The following PID1 variants were observed in gnomAD, a reference collection of about 807,000 sequenced individuals.
PID1 encodes the protein PTB-containing, cubilin and LRP1-interacting protein.
A neutral mutation model predicts 19.1 loss-of-function variants in PID1; 10 were observed. The observed-to-expected ratio is 0.52, with a 90% CI of 0.32 to 0.89. The LOEUF is 0.89. PID1 is among the 40% of genes least tolerant of loss of function. The pLI is 0.03. For synonymous variants in PID1, 130 were observed against 116.0 expected, an observed-to-expected ratio of 1.12 and a Z score of -0.78; for missense variants, 248 against 285.3, an observed-to-expected ratio of 0.87 and a Z score of 0.94.
intron 1 of PID1, among the ~76,000 whole-genome samples, chr2:229,217,361 C>A (rs957868863): frequency 3.3e-5 from 5 of 152,136 alleles, no homozygotes; most frequent in Non-Finnish European, 7.3e-5. Context: ...AATGATAGTG[C>A]CTTTCTGGAG....
At chr2:229,268,476 T>A (rs186580380) in intron 1 of PID1, among the ~76,000 whole-genome samples, 1 of 152,284 alleles carries the variant, frequency 6.6e-6, no homozygotes, top group Non-Finnish European at 1.5e-5. Flanking sequence ...TTTTCTTCCA[T>A]CCCCTCTTTT....
At chr2:229,048,669 G>A (rs138983749) in intron 2 of PID1, among the ~76,000 whole-genome samples, 307 of 152,102 alleles carry the variant, frequency 2.0e-3, no homozygotes, top group African/African-American at 6.2e-3. Context: ...AGACAGCAGC[G>A]GCTAGTAATG....
At position 229,238,302 on chromosome 2, in the gene PID1, A is replaced by G. The variant is rs368862524; in HGVS notation, c.30+32712T>C. On this transcript the variant is annotated intron_variant, in intron 1 of 2. Coordinates refer to ENST00000392055, the MANE Select transcript of PID1 (RefSeq NM_001100818.2). ...TTCATTCGAGCATGAATTGCTCTCA[A>G]AATCATCCAACTTTATACTATATTC... is the stretch of plus-strand genomic sequence containing the variant. Among the ~76,000 whole-genome samples, 11 of 152,108 alleles carry G rather than the reference A, an allele frequency of 7.2e-5. No individual in the cohort carries two copies. The East Asian group carries it at 9.6e-4, about 13-fold the overall frequency.
intron 2 of PID1, among the ~76,000 whole-genome samples, chr2:229,036,319 G>A (rs886347706): frequency 2.0e-5 from 3 of 152,178 alleles, no homozygotes; most frequent in Non-Finnish European, 4.4e-5. Context: ...ACAGGCTTCT[G>A]TGTGTCATCC....
intron 2 of PID1, among the ~76,000 whole-genome samples, chr2:229,136,651 A>T (rs900901979): frequency 3.3e-5 from 5 of 152,218 alleles, no homozygotes; most frequent in Non-Finnish European, 7.3e-5. Flanking sequence ...ATTAAAAATC[A>T]ATTAAGGAAC....
chr2:229,068,365 G>C (rs1694374899), intron 2 of PID1, among the ~76,000 whole-genome samples: 1 of 152,110 alleles, frequency 6.6e-6, no homozygotes, highest in Non-Finnish European at 1.5e-5. Context: ...TTATTTGTCA[G>C]GGTGTCACTT....
intron 2 of PID1, among the ~76,000 whole-genome samples, chr2:229,028,240 A>G (rs1693467930): frequency 6.6e-6 from 1 of 152,240 alleles, no homozygotes. Flanking sequence ...AGATAACCTA[A>G]GTTTGAACTG....
At chr2:229,122,433 A>T (rs1408670321) in intron 2 of PID1, among the ~76,000 whole-genome samples, 1 of 152,158 alleles carries the variant, frequency 6.6e-6, no homozygotes, top group Non-Finnish European at 1.5e-5. Flanking sequence ...TGCCCCTGGA[A>T]TCCCAAACAG....
At chr2:229,035,114 C>A (rs1301196215) in intron 2 of PID1, among the ~76,000 whole-genome samples, 3 of 152,204 alleles carry the variant, frequency 2.0e-5, no homozygotes, top group Admixed American at 6.5e-5. Context: ...ATGGTGCCCA[C>A]TCTTAGGTCA....
intron 1 of PID1, among the ~76,000 whole-genome samples, chr2:229,223,285 CATT>C (rs369701279): frequency 2.6e-5 from 4 of 152,176 alleles, no homozygotes; most frequent in Non-Finnish European, 5.9e-5. Flanking sequence ...GCTATCTCAT[CATT>C]ATTTTAATCT....
chr2:229,108,651 G>A (rs1298470687), intron 2 of PID1, among the ~76,000 whole-genome samples: 2 of 152,184 alleles, frequency 1.3e-5, no homozygotes, highest in African/African-American at 4.8e-5. Context: ...ACAAGTAAAG[G>A]CACAGAGGTG....
chr2:229,131,819 C>T (rs2106168644), intron 2 of PID1, among the ~76,000 whole-genome samples: 1 of 152,074 alleles, frequency 6.6e-6, no homozygotes, highest in East Asian at 1.9e-4. Flanking sequence ...CAACAAGACT[C>T]CGTCTCGGTG....
rs370989543 is a variant in PID1 at position 229,220,502 on chromosome 2, C to T, written c.30+50512G>A. Among the ~76,000 whole-genome samples the T allele has an allele frequency of 4.1e-4, 62 of 152,276 alleles. No homozygotes were observed. The South Asian group carries it at 0.012, about 31-fold the overall frequency. On this transcript the variant is annotated intron_variant, in intron 1 of 2. Coordinates refer to ENST00000392055, the MANE Select transcript of PID1 (RefSeq NM_001100818.2). ...CCATGCTCTCCAGTGAACCAATAGG[C>T]AATGTGATTGGGAGCCTGTGCCAGG... is the stretch of plus-strand genomic sequence containing the variant.
intron 2 of PID1, among the ~76,000 whole-genome samples, chr2:229,127,366 C>T (rs1044538467): frequency 6.6e-5 from 10 of 152,150 alleles, no homozygotes; most frequent in Admixed American, 4.6e-4. Flanking sequence ...TTGTAAGAGA[C>T]CTGTGAATCA....
At chr2:229,266,939 A>G (rs1486240194) in intron 1 of PID1, among the ~76,000 whole-genome samples, 1 of 152,200 alleles carries the variant, frequency 6.6e-6, no homozygotes, top group African/African-American at 2.4e-5. Flanking sequence ...GGCCAGGGCT[A>G]ATGGTCTCCA....
At chr2:229,072,038 C>T (rs1264918148) in intron 2 of PID1, among the ~76,000 whole-genome samples, 2 of 152,096 alleles carry the variant, frequency 1.3e-5, no homozygotes, top group Admixed American at 1.3e-4. Flanking sequence ...GGATCATATA[C>T]AAATCTGTAA....
At chr2:229,027,590 C>T (rs1479324758) in intron 2 of PID1, among the ~76,000 whole-genome samples, 1 of 152,132 alleles carries the variant, frequency 6.6e-6, no homozygotes, top group Non-Finnish European at 1.5e-5. Context: ...GTGGAGGAGG[C>T]AGTGGCATAC....
chr2:229,139,103 GAAAGAAAGAA>G (rs1559251735), intron 2 of PID1, among the ~76,000 whole-genome samples: 23 of 66,698 alleles, frequency 3.4e-4, no homozygotes, highest in African/African-American at 1.7e-3. Context: ...AAGAAAGAAA[GAAAGAAAGAA>G]AGAGAAAGAA....
intron 2 of PID1, among the ~76,000 whole-genome samples, chr2:229,074,848 G>C (rs1167323571): frequency 6.6e-6 from 1 of 152,130 alleles, no homozygotes; most frequent in Non-Finnish European, 1.5e-5. Flanking sequence ...ATTTGAGCTT[G>C]CTGTTGAGAA....
Sources: allele counts gnomAD v4.1 joint callset (sites outside exome capture counted in the v4.1 genomes callset), GRCh38; gene constraint gnomAD v4.1.1; transcripts MANE v1.5; gene names NCBI Gene and HGNC (gene_info 2026-07-23, HGNC 2026-07-21).